Variants in ATP11B observed in about 807,000 individuals in gnomAD.
ATP11B encodes ATPase phospholipid transporting 11B (putative), also known as phospholipid-transporting ATPase IF.
In ATP11B, 81 loss-of-function variants were observed where a neutral mutation model predicts 157.8. That is an observed-to-expected ratio of 0.51 (90% CI 0.43 to 0.62). The LOEUF (loss-of-function observed/expected upper bound fraction) is 0.62. Among genes scored for constraint, ATP11B ranks in the 20% least tolerant of loss-of-function variants. The pLI is 0.00. For synonymous variants in ATP11B, 451 were observed against 469.4 expected, an observed-to-expected ratio of 0.96 and a Z score of 0.51; for missense variants, 1,165 against 1,402.2, an observed-to-expected ratio of 0.83 and a Z score of 2.70.
At chr3:182,850,017 G>T (rs1719846178) in intron 10 of ATP11B, among the ~76,000 whole-genome samples, 1 of 151,734 alleles carries the variant, frequency 6.6e-6, no homozygotes, top group Non-Finnish European at 1.5e-5. Flanking sequence ...GAAGAGAAAT[G>T]CATCACATGT....
chr3:182,904,912 AG>A (rs56061163), intron 28 of ATP11B, among the ~76,000 whole-genome samples: 26,894 of 112,546 alleles, frequency 0.24, 3,066 homozygotes, highest in East Asian at 0.4. Flanking sequence ...AAAAAAAAAA[AG>A]GATTAATTCA....
intron 21 of ATP11B, among the ~76,000 whole-genome samples, chr3:182,884,216 C>T (rs1722646286): frequency 6.6e-6 from 1 of 151,966 alleles, no homozygotes. Flanking sequence ...GGAAATGTTG[C>T]ACTGATTTCA....
At chr3:182,801,001 C>T (rs1257093206) in intron 1 of ATP11B, among the ~76,000 whole-genome samples, 1 of 151,880 alleles carries the variant, frequency 6.6e-6, no homozygotes, top group Non-Finnish European at 1.5e-5. Flanking sequence ...AGGGTTTCGC[C>T]ATGTTGGCCA....
At chr3:182,874,038 C>A in intron 19 of ATP11B, 23 bp downstream of exon 19, 1 of 1,603,510 alleles carries the variant, frequency 6.2e-7, no homozygotes, top group South Asian at 1.1e-5. Context: ...GAACCTGTAT[C>A]ATACCTTTCA....
At chr3:182,894,240 G>C (rs1723368117) in intron 25 of ATP11B, among the ~76,000 whole-genome samples, 1 of 152,148 alleles carries the variant, frequency 6.6e-6, no homozygotes, top group South Asian at 2.1e-4. Context: ...TCTGTAATCT[G>C]ACAGGGTCAA....
intron 10 of ATP11B, among the ~76,000 whole-genome samples, chr3:182,855,183 G>C (rs775882012): frequency 2.0e-5 from 3 of 152,134 alleles, no homozygotes; most frequent in Non-Finnish European, 4.4e-5. Flanking sequence ...AAGACAATTT[G>C]GTGTTGGTTA....
intron 4 of ATP11B, among the ~76,000 whole-genome samples, chr3:182,831,100 C>T (rs933170934): frequency 2.6e-5 from 4 of 152,108 alleles, no homozygotes; most frequent in Admixed American, 2.0e-4. Flanking sequence ...CTTTGAACTC[C>T]AAACACACAT....
intron 28 of ATP11B, among the ~76,000 whole-genome samples, chr3:182,899,939 C>T (rs1723838690): frequency 6.6e-6 from 1 of 152,100 alleles, no homozygotes; most frequent in Non-Finnish European, 1.5e-5. Context: ...ATGCCCTGAG[C>T]TTATTAATCA....
chr3:182,808,668 C>T (rs1272009220), intron 1 of ATP11B, among the ~76,000 whole-genome samples: 2 of 151,782 alleles, frequency 1.3e-5, no homozygotes, highest in Non-Finnish European at 2.9e-5. Context: ...TCAGTGTAAT[C>T]TGTGTGTTTG....
rs907801956 is a variant in ATP11B, at chr3:182,873,843, G to A, written c.2080G>A (p.Ala694Thr). 2.6e-5 allele frequency: 42 copies of A among 1,613,960 alleles called. No individual in the cohort carries two copies. Among genetic ancestry groups the A allele is most frequent in the Non-Finnish European group, 3.3e-5 (39 of 1,179,990 alleles). ...LQDKVRETIE[A>T]LRMAGIKVWV... The stretch of plus-strand genomic sequence containing the variant: ...AGATAAAGTTCGAGAAACTATTGAA[G>A]CATTGAGAATGGCTGGTATCAAAGT... The change falls in exon 19 of 30, where the codon GCA (alanine) becomes ACA (threonine). Residue 694 changes from alanine (A) to threonine (T), a missense_variant. Ala to Thr is a moderately conservative substitution (Grantham distance 58). Transcript: ENST00000323116.
At chr3:182,898,838 C>A in intron 28 of ATP11B, 66 bp downstream of exon 28, 2 of 1,097,698 alleles carry the variant, frequency 1.8e-6, no homozygotes, top group South Asian at 3.0e-5. Context: ...GAATAGCTGT[C>A]ATTATAATTT....
intron 1 of ATP11B, among the ~76,000 whole-genome samples, chr3:182,798,734 T>C (rs74661186): frequency 0.044 from 6,704 of 152,362 alleles, 233 homozygotes; most frequent in Non-Finnish European, 0.069. Flanking sequence ...ACTTGAAGTG[T>C]GTCTACTCTG....
chr3:182,889,973 G>A (rs866806374), intron 25 of ATP11B, among the ~76,000 whole-genome samples: 2 of 152,334 alleles, frequency 1.3e-5, no homozygotes, highest in South Asian at 2.1e-4. Flanking sequence ...GATGGCAAAT[G>A]AGGACTTAGT....
At chr3:182,850,174 A>G (rs1262400748) in intron 10 of ATP11B, among the ~76,000 whole-genome samples, 2 of 152,142 alleles carry the variant, frequency 1.3e-5, no homozygotes, top group Non-Finnish European at 2.9e-5. Context: ...CTTTCACCAT[A>G]TAAATAATCA....
At chr3:182,823,209 G>C (rs536743000) in intron 2 of ATP11B, among the ~76,000 whole-genome samples, 3 of 152,126 alleles carry the variant, frequency 2.0e-5, no homozygotes, top group African/African-American at 7.2e-5. Context: ...TCCTGAATGG[G>C]ATTGCCTAGG....
At chr3:182,841,857 T>C (rs916013586) in intron 7 of ATP11B, among the ~76,000 whole-genome samples, 3 of 151,130 alleles carry the variant, frequency 2.0e-5, no homozygotes, top group Non-Finnish European at 4.4e-5. Flanking sequence ...CGGGCACGTG[T>C]AGTCCCAGCT....
chr3:182,880,820 A>G, intron 20 of ATP11B, 59 bp from the exon 21 acceptor site: 1 of 1,040,140 alleles, frequency 9.6e-7, no homozygotes, highest in Non-Finnish European at 1.4e-6. Flanking sequence ...ATAAATGACT[A>G]TATGAATGCA....
At chr3:182,826,304 T>G (rs142272448) in intron 2 of ATP11B, among the ~76,000 whole-genome samples, 1,786 of 152,324 alleles carry the variant, frequency 0.012, 36 homozygotes, top group African/African-American at 0.042. Context: ...GAAAACACCC[T>G]GAAACCAATT....
chr3:182,869,057 T>G, intron 15 of ATP11B, 21 bp from the exon 16 acceptor site: 1 of 1,543,322 alleles, frequency 6.5e-7, no homozygotes, highest in Non-Finnish European at 8.8e-7. Context: ...GTTTTTGTCT[T>G]TCTTACTTTC....
Sources: allele counts gnomAD v4.1 joint callset (sites outside exome capture counted in the v4.1 genomes callset), GRCh38; gene constraint gnomAD v4.1.1; transcripts MANE v1.5; gene names NCBI Gene and HGNC (gene_info 2026-07-23, HGNC 2026-07-21).